The following ITGA2 variants were observed in gnomAD, a reference collection of about 807,000 sequenced individuals.
ITGA2 encodes integrin alpha-2.
A neutral mutation model predicts 146.3 loss-of-function variants in ITGA2; 101 were observed. That is an observed-to-expected ratio of 0.69 (90% CI 0.59 to 0.81). ITGA2 has a LOEUF of 0.81. Ranked by LOEUF, ITGA2 falls within the 40% of genes least tolerant of loss-of-function variation. The probability of loss-of-function intolerance (pLI) is 0.00; values close to 1 mark genes in which losing one functional copy is unlikely to be tolerated. For synonymous variants in ITGA2, 477 were observed against 487.1 expected (o/e 0.98, Z 0.27); for missense variants, 1,281 against 1,402.7 (o/e 0.91, Z 1.39).
chr5:53,005,037 A>T (rs10071255), intron 1 of ITGA2, among the ~76,000 whole-genome samples: 32,022 of 150,402 alleles, frequency 0.21, 3,519 homozygotes, highest in African/African-American at 0.25. Flanking sequence ...TGTTCAAAAG[A>T]TCTAATGTGA....
intron 12 of ITGA2, 125 bp from the exon 13 acceptor site, chr5:53,062,660 TC>T: frequency 1.0e-6 from 1 of 974,440 alleles, no homozygotes; most frequent in South Asian, 1.3e-5. Flanking sequence ...GTCTTCATGT[TC>T]CAAGCACTTT....
intron 12 of ITGA2, 122 bp from the exon 13 acceptor site, chr5:53,062,664 A>G: frequency 9.9e-7 from 1 of 1,010,972 alleles, no homozygotes; most frequent in Non-Finnish European, 1.6e-6. Flanking sequence ...TCATGTTCCA[A>G]GCACTTTGCA....
chr5:53,091,978 C>T lies in ITGA2; in HGVS notation c.*1379C>T, dbSNP rs576021149. ...TCCACAAGAGTGAATTTGACCTAGG[C>T]AAGTTTGTTCAAAAGGTAGATCCTG... On this transcript the variant is annotated 3_prime_UTR_variant, in exon 30 of 30. Coordinates refer to ENST00000296585, the MANE Select transcript of ITGA2 (RefSeq NM_002203.4). 1 of 152,252 alleles carries T rather than the reference C, an allele frequency of 6.6e-6. No individual in the cohort carries two copies. The highest frequency in any genetic ancestry group is 1.5e-5 in the Non-Finnish European group (1 of 68,030). 9.4% of individuals were successfully genotyped at this position (152,252 alleles called of 1,614,324 possible). A position where few individuals can be genotyped will look rare whatever the true frequency, so the allele number is the denominator to read the frequency against.
chr5:52,990,177 T>TCCCTTCTGCCTTCCTC (rs1740867523), intron 1 of ITGA2: 1 of 154,214 alleles, frequency 6.5e-6, no homozygotes. Flanking sequence ...AATTCTTCCT[T>TCCCTTCTGCCTTCCTC]CCCTTCTGCC....
intron 1 of ITGA2, among the ~76,000 whole-genome samples, chr5:52,993,296 C>A (rs1162867487): frequency 1.3e-5 from 2 of 152,176 alleles, no homozygotes; most frequent in Non-Finnish European, 2.9e-5. Flanking sequence ...ACCTGCCCAA[C>A]CTCAGCTAAG....
Position 53,045,103 on chromosome 5 carries a change from A to C in ITGA2, c.387+11A>C. On this transcript the variant is annotated intron_variant, in intron 4 of 29. Transcript: ENST00000296585. ...ACTGGAGGTTTTCTCGTGAGTGTTTACTTTACAAATCATTATTCCTCTCAA... is the reference window on the plus strand; with the variant it reads ...ACTGGAGGTTTTCTCGTGAGTGTTTCCTTTACAAATCATTATTCCTCTCAA... 1 of 1,593,626 alleles carries C rather than the reference A, an allele frequency of 6.3e-7. No individual in the cohort carries two copies. The highest frequency in any genetic ancestry group is 1.7e-5 in the Admixed American group (1 of 59,990).
intron 7 of ITGA2, among the ~76,000 whole-genome samples, chr5:53,053,153 G>T (rs3212511): frequency 0.053 from 8,071 of 152,016 alleles, 733 homozygotes; most frequent in African/African-American, 0.19. Context: ...CTGGTCAGTG[G>T]CCACATCCTG....
intron 16 of ITGA2, among the ~76,000 whole-genome samples, chr5:53,069,091 T>C (rs1003086097): frequency 2.0e-5 from 3 of 151,884 alleles, no homozygotes; most frequent in Non-Finnish European, 2.9e-5. Flanking sequence ...GTAGAATTCA[T>C]GTTTTGGGAA....
chr5:53,037,529 C>G (rs982887990), intron 2 of ITGA2, among the ~76,000 whole-genome samples: 1 of 152,206 alleles, frequency 6.6e-6, no homozygotes, highest in African/African-American at 2.4e-5. Flanking sequence ...CCTCCCTCAT[C>G]TTCCTGTCTG....
chr5:53,056,421 A>G lies in ITGA2; in HGVS notation c.1096+272A>G, dbSNP rs529928001. On this transcript the variant is annotated intron_variant, in intron 9 of 29. Transcript: ENST00000296585. ...TAAAAACATAAATTAAACCGACAAT[A>G]TGTTTTGCCTAAAAGATGACACAGA... is the stretch of plus-strand genomic sequence containing the variant. Among the ~76,000 whole-genome samples, 187 of 152,114 alleles carry G rather than the reference A, an allele frequency of 1.2e-3. 4 individuals carry two copies. The highest frequency in any genetic ancestry group is 1.4e-3 in the Admixed American group (21 of 15,254).
rs537812948 is a variant in ITGA2, at chr5:53,014,223, G to A, written c.65-12525G>A. 1.7e-3 allele frequency among the ~76,000 whole-genome samples: 259 copies of A among 152,192 alleles called. 1 individual carries two copies. The highest frequency in any genetic ancestry group is 6.8e-3 in the Middle Eastern group (2 of 294). On this transcript the variant is annotated intron_variant, in intron 1 of 29. Transcript: ENST00000296585. ...CCCACTTTTGCCCATTCAGTATGATGTTGGCTGTGGGTTTGTCATAGATGG... is the reference window on the plus strand; with the variant it reads ...CCCACTTTTGCCCATTCAGTATGATATTGGCTGTGGGTTTGTCATAGATGG...
chr5:53,080,203 T>C (rs1361242377), intron 24 of ITGA2, among the ~76,000 whole-genome samples: 2 of 152,130 alleles, frequency 1.3e-5, no homozygotes, highest in African/African-American at 4.8e-5. Flanking sequence ...TTTTTTTCCA[T>C]TGAGCCATTT....
chr5:53,080,683 A>C (rs1334424602), intron 25 of ITGA2, 62 bp downstream of exon 25: 1 of 1,185,918 alleles, frequency 8.4e-7, no homozygotes, highest in African/African-American at 1.5e-5. Context: ...CCATGAGATT[A>C]GGGTGATCAT....
chr5:53,028,716 T>C (rs1257405645), intron 2 of ITGA2, among the ~76,000 whole-genome samples: 4 of 152,222 alleles, frequency 2.6e-5, no homozygotes, highest in Non-Finnish European at 5.9e-5. Context: ...TCTGATTTTC[T>C]GCACAAGCTA....
At chr5:52,994,045 A>C (rs939381867) in intron 1 of ITGA2, among the ~76,000 whole-genome samples, 1 of 152,194 alleles carries the variant, frequency 6.6e-6, no homozygotes, top group Non-Finnish European at 1.5e-5. Flanking sequence ...ATCATGAGAC[A>C]ATAGACTCTG....
chr5:53,043,183 T>C (rs377259985), intron 3 of ITGA2, among the ~76,000 whole-genome samples: 7 of 151,808 alleles, frequency 4.6e-5, no homozygotes, highest in East Asian at 1.9e-4. Context: ...TCTCCAAATT[T>C]TTTGAACACT....
chr5:53,058,644 T>G lies in ITGA2; in HGVS notation c.1173+543T>G, dbSNP rs3212532. On this transcript the variant is annotated intron_variant, in intron 10 of 29. Coordinates refer to ENST00000296585, the MANE Select transcript of ITGA2 (RefSeq NM_002203.4). ...CCACCTCCTGGGCCCCTGATTCTAATTTGAGTCAGGAGGTGAGAGAGATAG... is the reference window on the plus strand; with the variant it reads ...CCACCTCCTGGGCCCCTGATTCTAAGTTGAGTCAGGAGGTGAGAGAGATAG... Among the ~76,000 whole-genome samples the G allele has an allele frequency of 5.9e-3, 894 of 151,520 alleles. 8 individuals carry two copies. Among genetic ancestry groups the G allele is most frequent in the African/African-American group, 0.021 (856 of 41,330 alleles).
At chr5:53,051,385 A>G in intron 6 of ITGA2, 26 bp from the exon 7 acceptor site, 1 of 1,608,964 alleles carries the variant, frequency 6.2e-7, no homozygotes, top group Non-Finnish European at 8.5e-7. Context: ...ATGACAGCCC[A>G]TTAATAAATG....
At chr5:53,060,143 A>G (rs1258957686) in intron 11 of ITGA2, 131 bp downstream of exon 11, 2 of 945,502 alleles carry the variant, frequency 2.1e-6, no homozygotes, top group African/African-American at 3.3e-5. Context: ...TTACACATAC[A>G]TATGTTGTCT....
Sources: gnomAD v4.1 joint callset for allele counts (sites outside exome capture counted in the v4.1 genomes callset) on GRCh38, gnomAD v4.1.1 for gene constraint, MANE v1.5 for transcripts, NCBI Gene and HGNC (gene_info 2026-07-23, HGNC 2026-07-21) for gene names.